The following PTN variants were observed in gnomAD, a reference collection of about 807,000 sequenced individuals.
PTN encodes the protein heparin affin regulatory protein.
PTN carries 18 observed loss-of-function variants against 24.1 expected under a neutral mutation model. That is an observed-to-expected ratio of 0.75 (90% CI 0.52 to 1.11). The LOEUF (loss-of-function observed/expected upper bound fraction) is 1.11, where lower values mean the gene tolerates loss of function less well. PTN is among the 50% of genes least tolerant of loss of function. The pLI is 0.00. For missense variants in PTN, 163 were observed against 198.8 expected (o/e 0.82, Z 1.08); for synonymous variants, 78 against 68.6 (o/e 1.14, Z -0.67).
chr7:137,316,970 T>C (rs566889515), intron 1 of PTN, among the ~76,000 whole-genome samples: 1 of 152,318 alleles, frequency 6.6e-6, no homozygotes, highest in South Asian at 2.1e-4. Context: ...AACTGCTTTG[T>C]CTGTCCCCAA....
At chr7:137,288,618 T>C (rs1056617387) in intron 1 of PTN, among the ~76,000 whole-genome samples, 5 of 152,174 alleles carry the variant, frequency 3.3e-5, no homozygotes, top group African/African-American at 1.2e-4. Context: ...AAAGAATAAA[T>C]ATTTGCATAG....
intron 1 of PTN, among the ~76,000 whole-genome samples, chr7:137,290,224 T>A (rs778206694): frequency 6.6e-5 from 10 of 152,122 alleles, no homozygotes; most frequent in Non-Finnish European, 1.2e-4. Context: ...CATGATTGAA[T>A]TACCTCCCAC....
At chr7:137,260,836 A>G (rs1281778705) in intron 1 of PTN, among the ~76,000 whole-genome samples, 1 of 152,228 alleles carries the variant, frequency 6.6e-6, no homozygotes, top group East Asian at 1.9e-4. Flanking sequence ...GTTAGCAGCC[A>G]TTGGTACTTA....
chr7:137,286,067 A>G, intron 1 of PTN, among the ~76,000 whole-genome samples: 1 of 152,196 alleles, frequency 6.6e-6, no homozygotes, highest in East Asian at 1.9e-4. Context: ...AAACATGGGG[A>G]AATTATTTTT....
At chr7:137,232,659 A>C (rs1808448241) in intron 4 of PTN, among the ~76,000 whole-genome samples, 1 of 151,750 alleles carries the variant, frequency 6.6e-6, no homozygotes, top group Non-Finnish European at 1.5e-5. Context: ...ATGCATAACA[A>C]CTCCTGATAA....
At chr7:137,236,303 G>A (rs1159893392) in intron 4 of PTN, 1 of 701,284 alleles carries the variant, frequency 1.4e-6, no homozygotes, top group Non-Finnish European at 2.6e-6. Flanking sequence ...CATTCAGGAT[G>A]CACTTTCTTT....
chr7:137,284,111 A>G (rs543101020), intron 1 of PTN, among the ~76,000 whole-genome samples: 1 of 151,294 alleles, frequency 6.6e-6, no homozygotes, highest in Non-Finnish European at 1.5e-5. Flanking sequence ...GGGACTACAG[A>G]AGCCCGCCAC....
chr7:137,259,043 A>G (rs1808985805), intron 1 of PTN, among the ~76,000 whole-genome samples: 1 of 152,142 alleles, frequency 6.6e-6, no homozygotes, highest in Admixed American at 6.6e-5. Flanking sequence ...ACTTAATTGC[A>G]TATTAACAAT....
intron 1 of PTN, among the ~76,000 whole-genome samples, chr7:137,263,853 G>A (rs946592823): frequency 3.3e-5 from 5 of 152,004 alleles, no homozygotes; most frequent in South Asian, 2.1e-4. Context: ...AGTGGGGGCC[G>A]TCCAGTCCCG....
In PTN at chr7:137,253,613, C is replaced by A; in HGVS notation, c.140G>T (p.Cys47Phe). The change falls in exon 3 of 5, where the codon TGT becomes TTT. Residue 47 changes from cysteine (C) to phenylalanine (F), a missense_variant. Cys to Phe is a radical substitution (Grantham distance 205, BLOSUM62 -2). Transcript: ENST00000348225. ...KPEKKVKKSDCGEWQWSVCVP... is the reference protein window; with the variant it reads ...KPEKKVKKSDFGEWQWSVCVP... The stretch of plus-strand genomic sequence containing the variant: ...ACACACACTCCACTGCCATTCTCCA[C>A]AGTCAGACTTCTTCACTTTTTTTTC... 6.4e-7 allele frequency: 1 copy of A among 1,555,700 alleles called. No homozygotes were observed. The highest frequency in any genetic ancestry group is 1.2e-5 in the South Asian group (1 of 80,844).
chr7:137,286,983 C>T (rs1809565956), intron 1 of PTN, among the ~76,000 whole-genome samples: 1 of 152,080 alleles, frequency 6.6e-6, no homozygotes, highest in Non-Finnish European at 1.5e-5. Flanking sequence ...TAACTTACTC[C>T]CAACCACACA....
intron 1 of PTN, among the ~76,000 whole-genome samples, chr7:137,327,946 C>A (rs1810289362): frequency 6.6e-6 from 1 of 152,164 alleles, no homozygotes; most frequent in African/African-American, 2.4e-5. Context: ...AGGCGGACAC[C>A]TTGTTATTCA....
rs34067748 is a variant in PTN at position 137,250,750 on chromosome 7, G to T, written c.451+480C>A. ...CAAATTGAACTCAAAAAATATAAAG[G>T]CTCTGAAAACAAATGCAGAACCCAT... On this transcript the variant is annotated intron_variant, in intron 4 of 4. Transcript: ENST00000348225. Among the ~76,000 whole-genome samples, 13 of 152,226 alleles carry T rather than the reference G, an allele frequency of 8.5e-5. No individual in the cohort carries two copies. The East Asian group carries it at 9.7e-4, about 11-fold the overall frequency.
chr7:137,310,099 G>T (rs1441567819), intron 1 of PTN, among the ~76,000 whole-genome samples: 1 of 152,172 alleles, frequency 6.6e-6, no homozygotes, highest in Non-Finnish European at 1.5e-5. Flanking sequence ...TGTCATATTA[G>T]CAGGCATGGA....
chr7:137,231,956 C>A (rs117999123), intron 4 of PTN, among the ~76,000 whole-genome samples: 2 of 151,996 alleles, frequency 1.3e-5, no homozygotes, highest in Non-Finnish European at 2.9e-5. Flanking sequence ...CACAAATTAG[C>A]CTGGAGCAGG....
chr7:137,228,968 C>T (rs979368800), intron 4 of PTN, among the ~76,000 whole-genome samples: 2 of 151,828 alleles, frequency 1.3e-5, no homozygotes, highest in African/African-American at 4.8e-5. Flanking sequence ...GCTCTGGAGT[C>T]AGACTGCTGA....
At chr7:137,235,618 T>A (rs978597881) in intron 4 of PTN, among the ~76,000 whole-genome samples, 10 of 152,164 alleles carry the variant, frequency 6.6e-5, no homozygotes, top group Non-Finnish European at 1.2e-4. Context: ...GTAGCATCAA[T>A]TGTTTCATTT....
chr7:137,260,596 T>C (rs1809018018), intron 1 of PTN, among the ~76,000 whole-genome samples: 1 of 152,196 alleles, frequency 6.6e-6, no homozygotes, highest in South Asian at 2.1e-4. Context: ...TTTCTTTTTC[T>C]TGCTTTTTAC....
chr7:137,299,584 G>A (rs1725963355), intron 1 of PTN, among the ~76,000 whole-genome samples: 1 of 151,872 alleles, frequency 6.6e-6, no homozygotes, highest in African/African-American at 2.4e-5. Context: ...CCAAATATGA[G>A]GGGCAGTTAT....
Sources: allele counts gnomAD v4.1 joint callset (sites outside exome capture counted in the v4.1 genomes callset), GRCh38; gene constraint gnomAD v4.1.1; transcripts MANE v1.5; gene names NCBI Gene and HGNC (gene_info 2026-07-23, HGNC 2026-07-21).